Variants in ENPEP observed in about 807,000 individuals in gnomAD.
The protein encoded by ENPEP is glutamyl aminopeptidase.
Under a neutral mutation model 114.5 loss-of-function variants are expected in ENPEP, and 103 were observed. The ratio of observed to expected loss-of-function variants is 0.90; its 90% CI spans 0.77 to 1.06. ENPEP has a LOEUF of 1.06. Ranked by LOEUF, ENPEP falls within the 50% of genes least tolerant of loss-of-function variation. The pLI is 0.00. For synonymous variants in ENPEP, 420 were observed against 422.0 expected, an observed-to-expected ratio of 1.00 and a Z score of 0.06; for missense variants, 1,196 against 1,161.3, an observed-to-expected ratio of 1.03 and a Z score of -0.43.
chr4:110,543,830 C>T (rs1323214515), intron 13 of ENPEP, among the ~76,000 whole-genome samples: 2 of 151,946 alleles, frequency 1.3e-5, no homozygotes, highest in African/African-American at 4.8e-5. Flanking sequence ...CTCCCATGGC[C>T]TCTTTCTCTG....
chr4:110,505,779 GTCTGAGGTACTGCTTCC>G (rs1172061996), intron 3 of ENPEP, among the ~76,000 whole-genome samples: 3 of 152,182 alleles, frequency 2.0e-5, no homozygotes, highest in Non-Finnish European at 2.9e-5. Flanking sequence ...GACACTAGTT[GTCTGAGGTACTGCTTCC>G]TCTTTCAGAT....
At chr4:110,554,028 G>A (rs1221215386) in intron 18 of ENPEP, among the ~76,000 whole-genome samples, 1 of 151,974 alleles carries the variant, frequency 6.6e-6, no homozygotes, top group Non-Finnish European at 1.5e-5. Flanking sequence ...TCCAAACTTC[G>A]TATTTCCTCA....
intron 6 of ENPEP, chr4:110,512,546 A>C (rs894066279): frequency 4.6e-5 from 7 of 152,216 alleles, no homozygotes; most frequent in African/African-American, 1.7e-4. Context: ...CCAATACAAC[A>C]TACTCCTGTT....
intron 1 of ENPEP, among the ~76,000 whole-genome samples, chr4:110,480,066 G>A (rs774206483): frequency 1.6e-4 from 24 of 152,174 alleles, no homozygotes; most frequent in Non-Finnish European, 2.6e-4. Context: ...TGGAGATTAC[G>A]AAATGATGGC....
intron 8 of ENPEP, chr4:110,519,225 G>T: frequency 2.5e-6 from 1 of 401,738 alleles, no homozygotes; most frequent in Non-Finnish European, 5.1e-6. Flanking sequence ...AATTTAGGAG[G>T]TAACGTGATT....
intron 10 of ENPEP, among the ~76,000 whole-genome samples, chr4:110,522,286 G>C (rs1261215163): frequency 1.3e-5 from 2 of 151,730 alleles, no homozygotes; most frequent in African/African-American, 4.8e-5. Flanking sequence ...GGTTCAAGCC[G>C]TTCTCCTCCC....
At chr4:110,535,127 G>T (rs1726562928) in intron 11 of ENPEP, among the ~76,000 whole-genome samples, 1 of 152,120 alleles carries the variant, frequency 6.6e-6, no homozygotes, top group South Asian at 2.1e-4. Context: ...GTTGTTATAT[G>T]GTGTCAGGTA....
chr4:110,541,454 T>C (rs1341572374), intron 11 of ENPEP, among the ~76,000 whole-genome samples: 1 of 152,154 alleles, frequency 6.6e-6, no homozygotes, highest in East Asian at 1.9e-4. Context: ...GATAAGTCTC[T>C]TGAATGCATC....
At chr4:110,482,654 A>C (rs1480107051) in intron 1 of ENPEP, among the ~76,000 whole-genome samples, 1 of 152,204 alleles carries the variant, frequency 6.6e-6, no homozygotes, top group African/African-American at 2.4e-5. Context: ...CAGTTTGTTC[A>C]TTATATTCTT....
chr4:110,495,565 A>G (rs1401445205), intron 3 of ENPEP, among the ~76,000 whole-genome samples: 1 of 152,110 alleles, frequency 6.6e-6, no homozygotes, highest in African/African-American at 2.4e-5. Flanking sequence ...TACTAAAAAT[A>G]CAAAAATCAG....
chr4:110,484,692 ATTGAAAATTATT>A (rs1448658172), intron 1 of ENPEP, among the ~76,000 whole-genome samples: 1 of 149,612 alleles, frequency 6.7e-6, no homozygotes, highest in Non-Finnish European at 1.5e-5. Context: ...TGAGAAAAGG[ATTGAAAATTATT>A]TTCTTTCCTG....
rs1410907819 is a variant in ENPEP, at chr4:110,513,490, G to T, written c.1384G>T (p.Val462Leu). 1 of 1,613,454 alleles carries T rather than the reference G, an allele frequency of 6.2e-7. No individual in the cohort carries two copies. The highest frequency in any genetic ancestry group is 2.2e-5 in the East Asian group (1 of 44,792). Residue 462 changes from valine to leucine, a missense_variant, in exon 7 of 20, where the codon GTG becomes TTG. Physicochemically the swap from Val to Leu is conservative, Grantham distance 32 (BLOSUM62 1). Coordinates refer to ENST00000265162, the MANE Select transcript of ENPEP (RefSeq NM_001977.4). ...DSLMSSHPII[V>L]TVTTPDEITS... ...TTTGATGTCTTCGCATCCAATTATT[G>T]TGACTGTGACAACCCCTGATGAAAT...
intron 11 of ENPEP, among the ~76,000 whole-genome samples, chr4:110,532,424 G>A (rs1726441655): frequency 6.6e-6 from 1 of 152,152 alleles, no homozygotes; most frequent in South Asian, 2.1e-4. Flanking sequence ...GATATAGCAT[G>A]TAACTCTACT....
intron 13 of ENPEP, among the ~76,000 whole-genome samples, chr4:110,547,451 G>A (rs184145728): frequency 6.6e-6 from 1 of 152,154 alleles, no homozygotes; most frequent in Non-Finnish European, 1.5e-5. Context: ...CAGAAATAGA[G>A]GTTCTTGTAC....
At chr4:110,559,398 G>A (rs761044318) in intron 18 of ENPEP, among the ~76,000 whole-genome samples, 6 of 151,874 alleles carry the variant, frequency 4.0e-5, no homozygotes, top group Middle Eastern at 3.2e-3. Context: ...ACAGATTTGG[G>A]GACTACAACA....
intron 11 of ENPEP, among the ~76,000 whole-genome samples, chr4:110,538,085 A>G (rs948712270): frequency 6.6e-6 from 1 of 152,180 alleles, no homozygotes; most frequent in African/African-American, 2.4e-5. Flanking sequence ...TTGGAATGGT[A>G]AATGAGTATT....
chr4:110,514,149 A>G (rs1725677916), intron 7 of ENPEP, among the ~76,000 whole-genome samples: 1 of 152,076 alleles, frequency 6.6e-6, no homozygotes, highest in Non-Finnish European at 1.5e-5. Flanking sequence ...CTTCAAACAT[A>G]TTCCACATCT....
Position 110,528,884 on chromosome 4 carries a change from C to A in ENPEP, c.1728-2314C>A, listed in dbSNP as rs552729806. Among the ~76,000 whole-genome samples the A allele has an allele frequency of 1.8e-3, 277 of 152,262 alleles. 4 individuals carry two copies. Among genetic ancestry groups the A allele is most frequent in the South Asian group, 0.011 (55 of 4,822 alleles). On this transcript the variant is annotated intron_variant, in intron 10 of 19. Coordinates refer to ENST00000265162, the MANE Select transcript of ENPEP (RefSeq NM_001977.4). Reference sequence around the variant, plus strand: ...AATCCTGATACTCCTGAATGTTAGCCAATATGTAGAAAACTCAATCGTTTC... The same window carrying A: ...AATCCTGATACTCCTGAATGTTAGCAAATATGTAGAAAACTCAATCGTTTC...
At position 110,506,750 on chromosome 4, in the gene ENPEP, T is replaced by G; in HGVS notation, c.1032T>G (p.Pro344=). The G allele has an allele frequency of 6.4e-7, 1 of 1,565,650 alleles. No homozygotes were observed. Among genetic ancestry groups the G allele is most frequent in the Non-Finnish European group, 8.7e-7 (1 of 1,146,722 alleles). The change falls in exon 4 of 20, where the codon CCT becomes CCG. Residue 344 remains proline (P), a synonymous_variant. Coordinates refer to ENST00000265162, the MANE Select transcript of ENPEP (RefSeq NM_001977.4). ...ACTTTGCTATGAATTATTCTCTTCC[T>G]AAATTAGGTGAGGATCATTTTTTAA... is the stretch of plus-strand genomic sequence containing the variant. ...EEYFAMNYSL[P]KLDKIAIPDF...
Sources: gnomAD v4.1 joint callset for allele counts (sites outside exome capture counted in the v4.1 genomes callset) on GRCh38, gnomAD v4.1.1 for gene constraint, MANE v1.5 for transcripts, NCBI Gene and HGNC (gene_info 2026-07-23, HGNC 2026-07-21) for gene names.